The following BRINP1 variants were observed in gnomAD, a reference collection of about 807,000 sequenced individuals.
BRINP1 encodes BMP/retinoic acid inducible neural specific 1.
A neutral mutation model predicts 72.9 loss-of-function variants in BRINP1; 17 were observed. The observed-to-expected ratio is 0.23, with a 90% CI of 0.16 to 0.35. The LOEUF (loss-of-function observed/expected upper bound fraction) is 0.35. Among genes scored for constraint, BRINP1 ranks in the 10% least tolerant of loss-of-function variants. The pLI, the probability that BRINP1 is intolerant of heterozygous loss-of-function variation, is 1.00. For missense variants in BRINP1, 850 were observed against 1,001.6 expected, an observed-to-expected ratio of 0.85 and a Z score of 2.04; for synonymous variants, 418 against 378.5, an observed-to-expected ratio of 1.10 and a Z score of -1.21.
chr9:119,232,186 A>G (rs2118899283), intron 5 of BRINP1, among the ~76,000 whole-genome samples: 2 of 152,236 alleles, frequency 1.3e-5, no homozygotes, highest in Middle Eastern at 6.8e-3. Flanking sequence ...AATACTTTTG[A>G]GTTCATTACC....
At chr9:119,186,523 C>G (rs1564212369) in intron 7 of BRINP1, among the ~76,000 whole-genome samples, 1 of 152,126 alleles carries the variant, frequency 6.6e-6, no homozygotes, top group Non-Finnish European at 1.5e-5. Flanking sequence ...GGCAGAGCAG[C>G]CTTGCACACT....
At chr9:119,320,937 G>GTT (rs535523914) in intron 1 of BRINP1, among the ~76,000 whole-genome samples, 1 of 146,324 alleles carries the variant, frequency 6.8e-6, no homozygotes, top group African/African-American at 2.5e-5. Context: ...TCTCCATTTT[G>GTT]TTTTTTTTTT....
intron 2 of BRINP1, among the ~76,000 whole-genome samples, chr9:119,302,554 T>G (rs1247178159): frequency 2.0e-5 from 3 of 152,134 alleles, no homozygotes; most frequent in African/African-American, 2.4e-5. Flanking sequence ...AATGAGAAAG[T>G]GTAGGATCCA....
At chr9:119,235,335 G>A (rs887490618) in intron 5 of BRINP1, among the ~76,000 whole-genome samples, 3 of 152,146 alleles carry the variant, frequency 2.0e-5, no homozygotes, top group Non-Finnish European at 4.4e-5. Flanking sequence ...ATTGATGTCT[G>A]TGCTTTAATT....
At chr9:119,296,862 G>A (rs1830884951) in intron 2 of BRINP1, among the ~76,000 whole-genome samples, 1 of 151,140 alleles carries the variant, frequency 6.6e-6, no homozygotes, top group Non-Finnish European at 1.5e-5. Context: ...ATAGGGGGAA[G>A]GGAGAAATGG....
At chr9:119,221,146 T>C (rs753202255) in intron 5 of BRINP1, among the ~76,000 whole-genome samples, 8 of 152,200 alleles carry the variant, frequency 5.3e-5, no homozygotes, top group Non-Finnish European at 1.2e-4. Context: ...CCTGTTCTTG[T>C]ATCAGAATGT....
At position 119,174,185 on chromosome 9, in the gene BRINP1, C is replaced by T. The variant is rs1366806598; in HGVS notation, c.1146-5961G>A. ...ACCATCAGAGTGAACAGGCAACCTA[C>T]AGAATGGGAGAAAATTTTTGCAACC... On this transcript the variant is annotated intron_variant, in intron 7 of 7. Coordinates refer to ENST00000265922, the MANE Select transcript of BRINP1 (RefSeq NM_014618.3). Among the ~76,000 whole-genome samples, 6 of 149,522 alleles carry T rather than the reference C, an allele frequency of 4.0e-5. No individual in the cohort carries two copies. In the East Asian group the frequency reaches 1.2e-3, roughly 29 times the overall value.
intron 1 of BRINP1, among the ~76,000 whole-genome samples, chr9:119,321,866 A>G (rs1174431597): frequency 6.6e-6 from 1 of 152,188 alleles, no homozygotes; most frequent in East Asian, 1.9e-4. Context: ...AGAAACTTTA[A>G]AATTACACAT....
chr9:119,330,987 A>G lies in BRINP1; in HGVS notation c.-50-17582T>C, dbSNP rs1305617863. Among the ~76,000 whole-genome samples the G allele has an allele frequency of 2.0e-5, 3 of 152,168 alleles. No homozygotes were observed. The East Asian group carries it at 5.8e-4, about 29-fold the overall frequency. Reference sequence around the variant, plus strand: ...GGCTGCAGCGAGCCGAGATTGTGCCACTGCTCTCCAGTTTGGGTGACAGAG... The same window carrying G: ...GGCTGCAGCGAGCCGAGATTGTGCCGCTGCTCTCCAGTTTGGGTGACAGAG... On this transcript the variant is annotated intron_variant, in intron 1 of 7. Coordinates refer to ENST00000265922, the MANE Select transcript of BRINP1 (RefSeq NM_014618.3).
chr9:119,343,259 C>T (rs370219948), intron 1 of BRINP1, among the ~76,000 whole-genome samples: 6 of 152,134 alleles, frequency 3.9e-5, no homozygotes, highest in South Asian at 2.1e-4. Flanking sequence ...GCACTGCCTA[C>T]GGGGAATGAG....
chr9:119,186,242 A>AC (rs1196885220), intron 7 of BRINP1, among the ~76,000 whole-genome samples: 1 of 151,624 alleles, frequency 6.6e-6, no homozygotes, highest in Non-Finnish European at 1.5e-5. Flanking sequence ...CTGTTGCCCC[A>AC]CCCCCAGGGA....
intron 2 of BRINP1, among the ~76,000 whole-genome samples, chr9:119,294,543 AC>A: frequency 6.6e-6 from 1 of 151,720 alleles, no homozygotes; most frequent in East Asian, 1.9e-4. Context: ...AACAACAACG[AC>A]AAAACACATT....
chr9:119,322,075 G>A (rs922134999), intron 1 of BRINP1, among the ~76,000 whole-genome samples: 3 of 152,064 alleles, frequency 2.0e-5, no homozygotes, highest in African/African-American at 7.2e-5. Context: ...TAAATACACC[G>A]GAAATATACA....
chr9:119,218,181 A>T (rs1829999620), intron 5 of BRINP1, among the ~76,000 whole-genome samples: 1 of 149,792 alleles, frequency 6.7e-6, no homozygotes, highest in South Asian at 2.1e-4. Context: ...GGCTCCAGGC[A>T]CTCATTTGTT....
intron 4 of BRINP1, among the ~76,000 whole-genome samples, chr9:119,239,773 G>T (rs1324400624): frequency 6.6e-6 from 1 of 152,026 alleles, no homozygotes; most frequent in Non-Finnish European, 1.5e-5. Flanking sequence ...TAGCACTTCG[G>T]GTGCAGTCAT....
At chr9:119,240,099 T>C (rs765814438) in intron 4 of BRINP1, among the ~76,000 whole-genome samples, 12 of 151,986 alleles carry the variant, frequency 7.9e-5, no homozygotes, top group South Asian at 6.2e-4. Flanking sequence ...TGAAACCCTA[T>C]CTCTACTAAA....
chr9:119,364,600 T>C (rs1030197552), intron 1 of BRINP1, among the ~76,000 whole-genome samples: 8 of 152,158 alleles, frequency 5.3e-5, no homozygotes, highest in African/African-American at 1.7e-4. Context: ...ATTAACTCAG[T>C]GGTCCAGTGA....
chr9:119,229,867 C>A (rs1830130496), intron 5 of BRINP1, among the ~76,000 whole-genome samples: 1 of 152,056 alleles, frequency 6.6e-6, no homozygotes, highest in Non-Finnish European at 1.5e-5. Flanking sequence ...CACAGTCGTA[C>A]AGCAACTATC....
chr9:119,234,221 A>G (rs190433417), intron 5 of BRINP1, among the ~76,000 whole-genome samples: 1 of 152,278 alleles, frequency 6.6e-6, no homozygotes. Context: ...GATTGTACCA[A>G]TTTGTGTTCC....
Sources: gnomAD v4.1 joint callset for allele counts (sites outside exome capture counted in the v4.1 genomes callset) on GRCh38, gnomAD v4.1.1 for gene constraint, MANE v1.5 for transcripts, NCBI Gene and HGNC (gene_info 2026-07-23, HGNC 2026-07-21) for gene names.